The following ADGRB3 variants were observed in gnomAD, a reference collection of about 807,000 sequenced individuals.
The protein encoded by ADGRB3 is adhesion G protein-coupled receptor B3, also known as brain-specific angiogenesis inhibitor 3.
A neutral mutation model predicts 193.4 loss-of-function variants in ADGRB3; 37 were observed. The observed-to-expected ratio is 0.19, with a 90% confidence interval of 0.15 to 0.25. ADGRB3 has a LOEUF of 0.25. ADGRB3 is among the 10% of genes least tolerant of loss of function. The probability of loss-of-function intolerance (pLI) is 1.00; values close to 1 mark genes in which losing one functional copy is unlikely to be tolerated. For missense variants in ADGRB3, 1,637 were observed against 1,852.9 expected, an observed-to-expected ratio of 0.88 and a Z score of 2.14; for synonymous variants, 690 against 644.2, an observed-to-expected ratio of 1.07 and a Z score of -1.08.
At chr6:68,851,128 A>G (rs920068615) in intron 3 of ADGRB3, among the ~76,000 whole-genome samples, 1 of 151,938 alleles carries the variant, frequency 6.6e-6, no homozygotes, top group African/African-American at 2.4e-5. Context: ...CTGATAAAAC[A>G]TGGGTAACGT....
chr6:68,773,335 C>T (rs1462841754), intron 3 of ADGRB3, among the ~76,000 whole-genome samples: 1 of 152,092 alleles, frequency 6.6e-6, no homozygotes, highest in African/African-American at 2.4e-5. Flanking sequence ...CTTTCTTCTA[C>T]CCTGTACTAT....
chr6:69,015,010 A>G (rs1043893053), intron 12 of ADGRB3, among the ~76,000 whole-genome samples: 1 of 151,906 alleles, frequency 6.6e-6, no homozygotes, highest in South Asian at 2.1e-4. Context: ...GCATCTGGAC[A>G]TAGCCAGAAA....
intron 3 of ADGRB3, among the ~76,000 whole-genome samples, chr6:68,771,385 TACAC>T (rs3040851): frequency 0.61 from 90,587 of 147,964 alleles, 27,710 homozygotes; most frequent in East Asian, 0.79. Context: ...AGGGAATATA[TACAC>T]ACACACACAC....
intron 22 of ADGRB3, among the ~76,000 whole-genome samples, chr6:69,329,910 A>G (rs1274055887): frequency 6.6e-6 from 1 of 152,214 alleles, no homozygotes; most frequent in Non-Finnish European, 1.5e-5. Context: ...ATTGAAACAA[A>G]CACAGCTGCA....
At chr6:69,224,364 G>T (rs1765962320) in intron 17 of ADGRB3, among the ~76,000 whole-genome samples, 1 of 151,958 alleles carries the variant, frequency 6.6e-6, no homozygotes, top group African/African-American at 2.4e-5. Context: ...CTCTATTTTA[G>T]TTAAATAATT....
chr6:69,206,588 A>C (rs1053993834), intron 17 of ADGRB3, among the ~76,000 whole-genome samples: 1 of 152,176 alleles, frequency 6.6e-6, no homozygotes, highest in African/African-American at 2.4e-5. Context: ...ACAACCAGAA[A>C]CGCACCAATC....
chr6:68,745,534 A>T (rs1293585664), intron 3 of ADGRB3, among the ~76,000 whole-genome samples: 1 of 152,156 alleles, frequency 6.6e-6, no homozygotes, highest in Non-Finnish European at 1.5e-5. Context: ...TGAATGTAAC[A>T]TTTAAAAATA....
chr6:69,088,064 G>A (rs530300818), intron 17 of ADGRB3, among the ~76,000 whole-genome samples: 2 of 152,222 alleles, frequency 1.3e-5, no homozygotes, highest in African/African-American at 4.8e-5. Flanking sequence ...TCTCAGGGAG[G>A]TCTCTCCCTT....
intron 28 of ADGRB3, among the ~76,000 whole-genome samples, chr6:69,360,001 A>C (rs759165484): frequency 2.6e-5 from 4 of 151,844 alleles, no homozygotes; most frequent in Non-Finnish European, 5.9e-5. Flanking sequence ...AAAAAAAACT[A>C]AAATATATTT....
chr6:68,751,162 A>G (rs1229235404), intron 3 of ADGRB3, among the ~76,000 whole-genome samples: 3 of 152,238 alleles, frequency 2.0e-5, no homozygotes, highest in African/African-American at 7.2e-5. Context: ...TGTCAGGCAC[A>G]GACAAGAATG....
intron 3 of ADGRB3, among the ~76,000 whole-genome samples, chr6:68,765,537 GACACACACACACACAC>G (rs59919588): frequency 2.8e-5 from 4 of 143,462 alleles, no homozygotes; most frequent in African/African-American, 1.0e-4. Flanking sequence ...TATTCTTATA[GACACACACACACACAC>G]ACACACACAC....
intron 20 of ADGRB3, among the ~76,000 whole-genome samples, chr6:69,282,230 T>C (rs1387099475): frequency 2.6e-5 from 4 of 152,172 alleles, no homozygotes; most frequent in South Asian, 2.1e-4. Context: ...GCTGCTTACA[T>C]AGAAATCCAC....
chr6:69,209,114 G>A (rs190265200), intron 17 of ADGRB3, among the ~76,000 whole-genome samples: 2 of 152,294 alleles, frequency 1.3e-5, no homozygotes, highest in East Asian at 3.9e-4. Flanking sequence ...AAGCACCATT[G>A]GATCTGCTGG....
chr6:69,139,503 TG>T, intron 17 of ADGRB3, among the ~76,000 whole-genome samples: 1 of 152,386 alleles, frequency 6.6e-6, no homozygotes, highest in South Asian at 2.1e-4. Flanking sequence ...GAATGGTTTA[TG>T]TTTATTCTTA....
intron 10 of ADGRB3, among the ~76,000 whole-genome samples, chr6:68,988,239 T>C (rs1012645251): frequency 2.0e-5 from 3 of 152,104 alleles, no homozygotes; most frequent in Non-Finnish European, 2.9e-5. Flanking sequence ...ACTATAGTAA[T>C]ATAAGATACA....
At chr6:69,351,910 T>C (rs1434783906) in intron 26 of ADGRB3, among the ~76,000 whole-genome samples, 1 of 152,212 alleles carries the variant, frequency 6.6e-6, no homozygotes, top group Non-Finnish European at 1.5e-5. Context: ...CCAAAATATT[T>C]CTCATTTTAT....
At chr6:68,793,437 C>A (rs1269400514) in intron 3 of ADGRB3, among the ~76,000 whole-genome samples, 1 of 151,956 alleles carries the variant, frequency 6.6e-6, no homozygotes. Flanking sequence ...ATCTTTATAT[C>A]CTTTCTAGTG....
chr6:69,175,270 A>G lies in ADGRB3; in HGVS notation c.2481-58020A>G, dbSNP rs764005361. 3.3e-5 allele frequency among the ~76,000 whole-genome samples: 5 copies of G among 152,320 alleles called. 1 individual carries two copies. In the South Asian group the frequency reaches 1.0e-3, roughly 32 times the overall value. ...AACTATAAGACTTCTAGAAGAATTT[A>G]GGTCTTACATGTAAGTGTTTAACCC... is the stretch of plus-strand genomic sequence containing the variant. On this transcript the variant is annotated intron_variant, in intron 17 of 31. Coordinates refer to ENST00000370598, the MANE Select transcript of ADGRB3 (RefSeq NM_001704.3).
intron 3 of ADGRB3, among the ~76,000 whole-genome samples, chr6:68,729,238 C>A (rs569360593): frequency 6.6e-6 from 1 of 151,708 alleles, no homozygotes; most frequent in South Asian, 2.1e-4. Context: ...TCCTTGGTAG[C>A]TTTCCTGATG....
Sources: allele counts gnomAD v4.1 joint callset (sites outside exome capture counted in the v4.1 genomes callset), GRCh38; gene constraint gnomAD v4.1.1; transcripts MANE v1.5; gene names NCBI Gene and HGNC (gene_info 2026-07-23, HGNC 2026-07-21).